LAMB1: variants seen among roughly 807,000 people sequenced by gnomAD.
The protein encoded by LAMB1 is laminin subunit beta 1.
A neutral mutation model predicts 222.3 loss-of-function variants in LAMB1; 121 were observed. The ratio of observed to expected loss-of-function variants is 0.54; its 90% confidence interval spans 0.47 to 0.63. The LOEUF (loss-of-function observed/expected upper bound fraction) is 0.63, where lower values mean the gene tolerates loss of function less well. LAMB1 is among the 30% of genes least tolerant of loss of function. The pLI, the probability that LAMB1 is intolerant of heterozygous loss-of-function variation, is 0.00. For missense variants in LAMB1, 2,172 were observed against 2,240.8 expected (o/e 0.97, Z 0.62); for synonymous variants, 794 against 807.2 (o/e 0.98, Z 0.28).
intron 18 of LAMB1, 55 bp downstream of exon 18, chr7:107,960,390 C>T (rs1309933590): frequency 1.5e-5 from 21 of 1,388,108 alleles, no homozygotes; most frequent in Non-Finnish European, 1.9e-5. Flanking sequence ...CTTCATGTGC[C>T]AGATATACTC....
chr7:108,002,952 C>A lies in LAMB1; in HGVS notation c.-67G>T. 6.2e-7 allele frequency: 1 copy of A among 1,608,698 alleles called. No homozygotes were observed. Among genetic ancestry groups the A allele is most frequent in the African/African-American group, 1.3e-5 (1 of 74,758 alleles). ...GAAGACGCCCGCCGAGCCGCCTGCCCTTTCTTCCCGTCTTCCTTTCTGGAG... is the reference window on the plus strand; with the variant it reads ...GAAGACGCCCGCCGAGCCGCCTGCCATTTCTTCCCGTCTTCCTTTCTGGAG... On this transcript the variant is annotated 5_prime_UTR_variant, in exon 2 of 34. It adds an upstream start codon to the 5' untranslated region. Transcript: ENST00000222399.
In LAMB1 at chr7:107,924,002, T is replaced by G. The variant is rs1256690479; in HGVS notation, c.5310A>C (p.Ser1770=). The G allele has an allele frequency of 6.2e-7, 1 of 1,604,392 alleles. No individual in the cohort carries two copies. Among genetic ancestry groups the G allele is most frequent in the Non-Finnish European group, 8.5e-7 (1 of 1,177,700 alleles). ...CTTTCTGGCTTATATCCTTTAGGAG[T>G]GAACGGACTTCTCCTTCCAGTCTTG... ...ELARLEGEVR[S]LLKDISQKVA... is the part of the protein sequence containing the mutation. The change falls in exon 34 of 34, where the codon TCA becomes TCC. Residue 1770 remains serine, a synonymous_variant. Coordinates refer to ENST00000222399, the MANE Select transcript of LAMB1 (RefSeq NM_002291.3).
At position 107,961,551 on chromosome 7, in the gene LAMB1, T is replaced by G; in HGVS notation, c.1983A>C (p.Ser661=). 6.2e-7 allele frequency: 1 copy of G among 1,613,380 alleles called. No individual in the cohort carries two copies. The highest frequency in any genetic ancestry group is 8.5e-7 in the Non-Finnish European group (1 of 1,179,320). The change falls in exon 16 of 34, where the codon TCA becomes TCC. Residue 661 remains serine, a splice_region_variant and synonymous_variant. Coordinates refer to ENST00000222399, the MANE Select transcript of LAMB1 (RefSeq NM_002291.3). The stretch of plus-strand genomic sequence containing the variant: ...TGCCAAACCACCGTCACACTGACCT[T>G]GAGCCTGGTGATAATGACACCACCT... ...DNQVVSLSPG[S]RYVVLPRPVC... is the part of the protein sequence containing the mutation.
chr7:108,003,002 C>G, intron 1 of LAMB1, 31 bp from the exon 2 acceptor site: 1 of 1,549,428 alleles, frequency 6.5e-7, no homozygotes. Flanking sequence ...GGAAAAAAGG[C>G]AAATGTTCAA....
intron 5 of LAMB1, among the ~76,000 whole-genome samples, chr7:107,989,192 G>A (rs1430336763): frequency 6.6e-6 from 1 of 152,176 alleles, no homozygotes; most frequent in Non-Finnish European, 1.5e-5. Context: ...TCAACTGGAA[G>A]TAAAAGATGA....
intron 32 of LAMB1, 128 bp from the exon 33 acceptor site, chr7:107,924,517 T>C: frequency 8.1e-6 from 5 of 614,678 alleles, no homozygotes; most frequent in Non-Finnish European, 1.3e-5. Flanking sequence ...TGGTAAGTAA[T>C]TTAAAATTTT....
chr7:107,926,965 A>T (rs1328741615), intron 31 of LAMB1, among the ~76,000 whole-genome samples: 1 of 152,218 alleles, frequency 6.6e-6, no homozygotes, highest in African/African-American at 2.4e-5. Flanking sequence ...TCCACATCTG[A>T]TCTCCTTTCA....
chr7:107,969,860 G>T (rs1395393482), intron 13 of LAMB1, among the ~76,000 whole-genome samples: 1 of 152,172 alleles, frequency 6.6e-6, no homozygotes, highest in East Asian at 1.9e-4. Context: ...GACCACCGTT[G>T]TATGTGTGGT....
chr7:107,928,077 T>A (rs1235344723), intron 31 of LAMB1, among the ~76,000 whole-genome samples: 1 of 152,234 alleles, frequency 6.6e-6, no homozygotes, highest in Admixed American at 6.5e-5. Context: ...AACATTAACT[T>A]TCTGAGAAAC....
intron 24 of LAMB1, chr7:107,951,019 C>G (rs999328630): frequency 8.3e-6 from 4 of 480,556 alleles, no homozygotes; most frequent in African/African-American, 8.0e-5. Flanking sequence ...GTATGCACAT[C>G]CACTCTTGAC....
In LAMB1 at chr7:107,932,196, T is replaced by A. The variant is rs751675795; in HGVS notation, c.4370A>T (p.Glu1457Val). The A allele has an allele frequency of 8.1e-6, 13 of 1,614,244 alleles. No individual in the cohort carries two copies. The South Asian group carries it at 1.4e-4, about 18-fold the overall frequency. Residue 1457 changes from glutamate to valine, a missense_variant, in exon 28 of 34, where the codon GAA becomes GTA. Transcript: ENST00000222399. ...LDQDVLSALA[E>V]VEQLSKMVSE... Reference sequence around the variant, plus strand: ...TACCATCTTGGAGAGCTGTTCCACTTCAGCCAGGGCACTCAGGACATCTTG... The same window carrying A: ...TACCATCTTGGAGAGCTGTTCCACTACAGCCAGGGCACTCAGGACATCTTG...
chr7:107,986,953 C>T (rs2150447091), intron 5 of LAMB1, among the ~76,000 whole-genome samples: 1 of 152,282 alleles, frequency 6.6e-6, no homozygotes, highest in East Asian at 1.9e-4. Context: ...ATTAGGTATA[C>T]ACCCGGAAGA....
chr7:107,952,311 C>G, intron 22 of LAMB1, 88 bp from the exon 23 acceptor site: 2 of 932,592 alleles, frequency 2.1e-6, no homozygotes, highest in Admixed American at 2.4e-5. Context: ...CTAAGATGTT[C>G]CCACTTCACA....
chr7:107,968,475 G>A (rs2033677788), intron 13 of LAMB1, among the ~76,000 whole-genome samples: 1 of 152,220 alleles, frequency 6.6e-6, no homozygotes, highest in Non-Finnish European at 1.5e-5. Context: ...CTTTGCAGAT[G>A]TGATTAAGGG....
intron 5 of LAMB1, among the ~76,000 whole-genome samples, chr7:107,991,892 C>A (rs1432029746): frequency 1.7e-5 from 2 of 114,446 alleles, no homozygotes; most frequent in Non-Finnish European, 3.2e-5. Flanking sequence ...TGGGAGAGAG[C>A]GAGACTTCGT....
At chr7:107,967,574 T>C (rs575659487) in intron 13 of LAMB1, among the ~76,000 whole-genome samples, 21 of 152,244 alleles carry the variant, frequency 1.4e-4, no homozygotes, top group African/African-American at 5.1e-4. Flanking sequence ...ACTCTTTGCT[T>C]TCCAATGAGC....
In LAMB1 at chr7:108,003,129, G is replaced by A. The variant is rs1441324696; in HGVS notation, c.-105C>T. ...TCCTCACCCGGCGACGCGAGCTCTC[G>A]CCCTGCTCCGGGAGCCCCCGAGCCC... On this transcript the variant is annotated 5_prime_UTR_variant, in exon 1 of 34. Coordinates refer to ENST00000222399, the MANE Select transcript of LAMB1 (RefSeq NM_002291.3). The A allele has an allele frequency of 2.6e-6, 2 of 772,770 alleles. No homozygotes were observed. The allele number at this position is 772,770 out of a possible 1,614,324, so 47.9% of individuals were successfully genotyped here.
chr7:107,987,860 C>T (rs1437468344), intron 5 of LAMB1, among the ~76,000 whole-genome samples: 1 of 152,154 alleles, frequency 6.6e-6, no homozygotes, highest in African/African-American at 2.4e-5. Context: ...GAGGCGGCTG[C>T]ACGTGGCAGA....
At chr7:107,965,440 G>A (rs142582855) in intron 13 of LAMB1, among the ~76,000 whole-genome samples, 629 of 152,210 alleles carry the variant, frequency 4.1e-3, no homozygotes, top group Non-Finnish European at 6.3e-3. Flanking sequence ...TTAGCTGGGC[G>A]TGGTGGCGCA....
Sources: gnomAD v4.1 joint callset for allele counts (sites outside exome capture counted in the v4.1 genomes callset) on GRCh38, gnomAD v4.1.1 for gene constraint, MANE v1.5 for transcripts, NCBI Gene and HGNC (gene_info 2026-07-23, HGNC 2026-07-21) for gene names.